CFAP299: variants seen among roughly 807,000 people sequenced by gnomAD.
CFAP299 encodes the protein cilia and flagella associated protein 299.
A neutral mutation model predicts 27.0 loss-of-function variants in CFAP299; 21 were observed. The ratio of observed to expected loss-of-function variants is 0.78; its 90% CI spans 0.55 to 1.12. The LOEUF is 1.12. CFAP299 is among the 50% of genes most tolerant of loss of function. The probability of loss-of-function intolerance (pLI) is 0.00; values close to 1 mark genes in which losing one functional copy is unlikely to be tolerated. For missense variants in CFAP299, 310 were observed against 276.6 expected (o/e 1.12, Z -0.86); for synonymous variants, 104 against 98.1 (o/e 1.06, Z -0.36).
intron 3 of CFAP299, among the ~76,000 whole-genome samples, chr4:80,770,812 G>A (rs1726171059): frequency 1.3e-5 from 2 of 152,024 alleles, no homozygotes; most frequent in South Asian, 4.1e-4. Flanking sequence ...CTGTTGTCTT[G>A]TTATTTGTCA....
intron 3 of CFAP299, among the ~76,000 whole-genome samples, chr4:80,849,914 A>G (rs1731415439): frequency 6.6e-6 from 1 of 152,166 alleles, no homozygotes; most frequent in Non-Finnish European, 1.5e-5. Flanking sequence ...GGTGATGGAT[A>G]TGCTAATTAC....
chr4:80,799,345 A>T (rs1316758320), intron 3 of CFAP299, among the ~76,000 whole-genome samples: 1 of 96,822 alleles, frequency 1.0e-5, no homozygotes, highest in Non-Finnish European at 1.8e-5. Flanking sequence ...ATTTATATAT[A>T]TAAATGTATT....
chr4:80,433,857 T>C (rs1455484905), intron 2 of CFAP299, among the ~76,000 whole-genome samples: 4 of 152,198 alleles, frequency 2.6e-5, no homozygotes, highest in Non-Finnish European at 5.9e-5. Flanking sequence ...CTGGGAATTT[T>C]GTAACCAGTA....
chr4:80,532,777 GT>G (rs973135090), intron 2 of CFAP299, among the ~76,000 whole-genome samples: 178 of 152,262 alleles, frequency 1.2e-3, no homozygotes, highest in African/African-American at 4.2e-3. Context: ...GCAGTGAAAT[GT>G]TTTTGAAATT....
At chr4:80,929,094 C>G (rs1011937926) in intron 4 of CFAP299, among the ~76,000 whole-genome samples, 2 of 152,158 alleles carry the variant, frequency 1.3e-5, no homozygotes, top group African/African-American at 4.8e-5. Flanking sequence ...CAGACACTGA[C>G]AAGGTGTTTC....
At chr4:80,493,263 G>C (rs541895690) in intron 2 of CFAP299, among the ~76,000 whole-genome samples, 1 of 152,258 alleles carries the variant, frequency 6.6e-6, no homozygotes, top group East Asian at 1.9e-4. Context: ...GCAAGGCAAG[G>C]TACTTCTGTA....
chr4:80,400,272 G>A (rs1726076391), intron 2 of CFAP299, among the ~76,000 whole-genome samples: 1 of 152,080 alleles, frequency 6.6e-6, no homozygotes, highest in Non-Finnish European at 1.5e-5. Flanking sequence ...GAGTTTAGAT[G>A]TTTTAACTTG....
At chr4:80,601,363 A>G (rs753730946) in intron 3 of CFAP299, among the ~76,000 whole-genome samples, 2 of 152,170 alleles carry the variant, frequency 1.3e-5, no homozygotes, top group Non-Finnish European at 2.9e-5. Context: ...TTCCTTGACT[A>G]CACATACCAT....
At chr4:80,680,605 A>T (rs1419497298) in intron 3 of CFAP299, among the ~76,000 whole-genome samples, 2 of 152,190 alleles carry the variant, frequency 1.3e-5, no homozygotes, top group Non-Finnish European at 2.9e-5. Flanking sequence ...ATGGTTTCAT[A>T]GAGGATGAGG....
intron 3 of CFAP299, among the ~76,000 whole-genome samples, chr4:80,584,273 ATATT>A (rs1736320696): frequency 6.6e-6 from 1 of 152,022 alleles, no homozygotes. Flanking sequence ...TAGAAATTAA[ATATT>A]TAAACGAGGC....
intron 4 of CFAP299, among the ~76,000 whole-genome samples, chr4:80,883,451 ATATG>A (rs1456080000): frequency 1.3e-5 from 2 of 152,164 alleles, no homozygotes; most frequent in African/African-American, 4.8e-5. Context: ...TAATTACTAT[ATATG>A]TAAATAGTTA....
intron 3 of CFAP299, among the ~76,000 whole-genome samples, chr4:80,712,230 A>C (rs1406320307): frequency 6.6e-6 from 1 of 152,172 alleles, no homozygotes; most frequent in Non-Finnish European, 1.5e-5. Flanking sequence ...TCTCCTCAGA[A>C]CCATTCCTTC....
At chr4:80,763,715 G>C (rs949055257) in intron 3 of CFAP299, among the ~76,000 whole-genome samples, 3 of 152,068 alleles carry the variant, frequency 2.0e-5, no homozygotes, top group Admixed American at 2.0e-4. Context: ...ATACTATAAG[G>C]CTGTAGTAAC....
intron 3 of CFAP299, among the ~76,000 whole-genome samples, chr4:80,660,439 C>T (rs150754275): frequency 4.2e-4 from 64 of 152,180 alleles, no homozygotes; most frequent in African/African-American, 1.5e-3. Flanking sequence ...TATCAGATGA[C>T]ATTAAGGAAA....
intron 1 of CFAP299, among the ~76,000 whole-genome samples, chr4:80,358,959 G>T (rs1158301084): frequency 1.3e-5 from 2 of 152,080 alleles, no homozygotes; most frequent in Non-Finnish European, 1.5e-5. Flanking sequence ...GCTGGTAATG[G>T]TCTTTCCTTT....
intron 3 of CFAP299, among the ~76,000 whole-genome samples, chr4:80,766,223 A>T (rs924351181): frequency 4.6e-5 from 7 of 152,176 alleles, no homozygotes; most frequent in Non-Finnish European, 8.8e-5. Flanking sequence ...TGTCTGCAGC[A>T]GTATAAAATG....
At chr4:80,817,743 T>G (rs1437095909) in intron 3 of CFAP299, among the ~76,000 whole-genome samples, 1 of 152,088 alleles carries the variant, frequency 6.6e-6, no homozygotes, top group Non-Finnish European at 1.5e-5. Flanking sequence ...TTTCCAAATT[T>G]CTCTTTACCT....
chr4:80,678,460 A>G (rs1719615637), intron 3 of CFAP299, among the ~76,000 whole-genome samples: 1 of 152,082 alleles, frequency 6.6e-6, no homozygotes, highest in African/African-American at 2.4e-5. Context: ...GATGTTTTAT[A>G]TAAATTACCT....
intron 3 of CFAP299, among the ~76,000 whole-genome samples, chr4:80,616,464 A>C (rs1738286617): frequency 6.6e-6 from 1 of 151,912 alleles, no homozygotes; most frequent in Non-Finnish European, 1.5e-5. Context: ...ATACCCCCAA[A>C]CTGAAAGGGC....
Sources: gnomAD v4.1 joint callset for allele counts (sites outside exome capture counted in the v4.1 genomes callset) on GRCh38, gnomAD v4.1.1 for gene constraint, MANE v1.5 for transcripts, NCBI Gene and HGNC (gene_info 2026-07-23, HGNC 2026-07-21) for gene names.